RAP1GAP2: variants seen among roughly 807,000 people sequenced by gnomAD.
RAP1GAP2 encodes RAP1 GTPase activating protein 2.
In RAP1GAP2, 27 loss-of-function variants were observed where a neutral mutation model predicts 95.0. The ratio of observed to expected loss-of-function variants is 0.28; its 90% confidence interval spans 0.21 to 0.39. The LOEUF (loss-of-function observed/expected upper bound fraction) is 0.39, where lower values mean the gene tolerates loss of function less well. RAP1GAP2 is among the 10% of genes least tolerant of loss of function. RAP1GAP2 has a pLI of 1.00. For synonymous variants in RAP1GAP2, 373 were observed against 380.9 expected, an observed-to-expected ratio of 0.98 and a Z score of 0.24; for missense variants, 771 against 970.0, an observed-to-expected ratio of 0.79 and a Z score of 2.72.
At chr17:2,803,074 T>G (rs2069369019) in intron 2 of RAP1GAP2, among the ~76,000 whole-genome samples, 1 of 152,148 alleles carries the variant, frequency 6.6e-6, no homozygotes, top group Non-Finnish European at 1.5e-5. Flanking sequence ...TGGTGCTGTT[T>G]TGGGACATCT....
chr17:2,818,536 C>T (rs984006519), intron 2 of RAP1GAP2, among the ~76,000 whole-genome samples: 4 of 151,966 alleles, frequency 2.6e-5, no homozygotes. Flanking sequence ...CCATGTTGGC[C>T]AGGCTGGTCT....
At chr17:2,775,803 A>G (rs915823036), upstream of RAP1GAP2, among the ~76,000 whole-genome samples, 15 of 152,080 alleles carry the variant, frequency 9.9e-5, no homozygotes, top group Non-Finnish European at 1.6e-4. Context: ...TGGCTAGAGG[A>G]CCCTTCGTTC....
At chr17:2,943,888 G>A (rs934657446) in intron 3 of RAP1GAP2, among the ~76,000 whole-genome samples, 3 of 152,038 alleles carry the variant, frequency 2.0e-5, no homozygotes, top group South Asian at 2.1e-4. Flanking sequence ...GGTGGCTCAC[G>A]CCTGTAATCC....
Position 2,980,289 on chromosome 17 carries a change from C to A in RAP1GAP2, c.599C>A (p.Ser200Tyr). The change falls in exon 9 of 25, where the codon TCC becomes TAC. Residue 200 changes from serine to tyrosine, a missense_variant and splice_region_variant. Transcript: ENST00000254695. ...GIEYLRVILR[S>Y]KLKTVHERIP... ...CTTTTTTCTCCCGTCTTGTGCAGGT[C>A]CAAACTGAAGACGGTACATGAGCGG... 6.2e-7 allele frequency: 1 copy of A among 1,613,682 alleles called. No homozygotes were observed. The highest frequency in any genetic ancestry group is 8.5e-7 in the Non-Finnish European group (1 of 1,179,774).
intron 4 of RAP1GAP2, among the ~76,000 whole-genome samples, chr17:2,958,901 G>A (rs371865577): frequency 6.6e-6 from 1 of 152,086 alleles, no homozygotes; most frequent in Non-Finnish European, 1.5e-5. Context: ...CCGTGTCACC[G>A]AGAGCCAGTT....
rs535774695 is a variant in RAP1GAP2 at position 2,898,525 on chromosome 17, T to G, written c.81-6759T>G. Among the ~76,000 whole-genome samples, 42 of 152,322 alleles carry G rather than the reference T, an allele frequency of 2.8e-4. No homozygotes were observed. In the South Asian group the frequency reaches 7.9e-3, roughly 29 times the overall value. On this transcript the variant is annotated intron_variant, in intron 2 of 24. Transcript: ENST00000254695. ...GCCCGCATCTCCATGTCTGTCCCCTTGGGGCTTGGAATTGAGCCATGTGCA... is the reference window on the plus strand; with the variant it reads ...GCCCGCATCTCCATGTCTGTCCCCTGGGGGCTTGGAATTGAGCCATGTGCA...
At chr17:2,849,559 T>C (rs1416391955) in intron 2 of RAP1GAP2, among the ~76,000 whole-genome samples, 1 of 152,186 alleles carries the variant, frequency 6.6e-6, no homozygotes, top group Non-Finnish European at 1.5e-5. Context: ...CTGTCTGCGC[T>C]CTGTTCATGA....
chr17:3,005,310 C>A lies in RAP1GAP2; in HGVS notation c.1201-59C>A. ...GTAGCTTTGTAAGGAGCGTGGCTCC[C>A]GTAGGGGCAGCGCTCGTCTCTTCCC... On this transcript the variant is annotated intron_variant, in intron 14 of 24. Coordinates refer to ENST00000254695, the MANE Select transcript of RAP1GAP2 (RefSeq NM_015085.5). The surrounding 1 kb of genome is among the most constrained non-coding windows in gnomAD (Gnocchi z 5.2). 1 of 1,517,966 alleles carries A rather than the reference C, an allele frequency of 6.6e-7. No homozygotes were observed. Among genetic ancestry groups the A allele is most frequent in the Non-Finnish European group, 9.2e-7 (1 of 1,092,500 alleles). 94.0% of individuals were successfully genotyped at this position (1,517,966 alleles called of 1,614,324 possible).
chr17:2,989,918 C>T (rs1486042731), intron 11 of RAP1GAP2, among the ~76,000 whole-genome samples: 3 of 152,170 alleles, frequency 2.0e-5, no homozygotes, highest in African/African-American at 7.2e-5. Flanking sequence ...TCCTTTAGTT[C>T]CTGCCAACCC....
intron 2 of RAP1GAP2, among the ~76,000 whole-genome samples, chr17:2,822,632 T>TG (rs1254685541): frequency 7.4e-6 from 1 of 134,936 alleles, no homozygotes; most frequent in East Asian, 2.0e-4. Flanking sequence ...TTTTTGTTTT[T>TG]TTTTTTTTTT....
intron 2 of RAP1GAP2, among the ~76,000 whole-genome samples, chr17:2,829,583 G>T (rs564004267): frequency 6.6e-6 from 1 of 152,096 alleles, no homozygotes; most frequent in Admixed American, 6.6e-5. Context: ...CAGAACAGCT[G>T]CACAAGAGCT....
At chr17:2,853,720 G>A (rs1448930534) in intron 2 of RAP1GAP2, among the ~76,000 whole-genome samples, 8 of 146,266 alleles carry the variant, frequency 5.5e-5, no homozygotes, top group Admixed American at 5.4e-4. Context: ...GGGAGCCGCC[G>A]GCCCGGGCCG....
rs150334228 is a variant in RAP1GAP2, at chr17:3,036,576, A to G, written c.*3215A>G. On this transcript the variant is annotated 3_prime_UTR_variant, in exon 25 of 25. Coordinates refer to ENST00000254695, the MANE Select transcript of RAP1GAP2 (RefSeq NM_015085.5). Reference sequence around the variant, plus strand: ...GGCTTTGGATGCAGCTTGAACCAAGAAAACGAGGAGGGAAAGGGATTCAGT... The same window carrying G: ...GGCTTTGGATGCAGCTTGAACCAAGGAAACGAGGAGGGAAAGGGATTCAGT... 6.6e-6 allele frequency: 1 copy of G among 152,250 alleles called. No homozygotes were observed. The highest frequency in any genetic ancestry group is 1.9e-4 in the East Asian group (1 of 5,188). The allele number at this position is 152,250 out of a possible 1,614,324, so 9.4% of individuals were successfully genotyped here.
chr17:2,940,200 G>A (rs985313898), intron 3 of RAP1GAP2, among the ~76,000 whole-genome samples: 7 of 152,132 alleles, frequency 4.6e-5, no homozygotes, highest in African/African-American at 1.4e-4. Flanking sequence ...TGCCTGCCAC[G>A]GGTCATGGAA....
intron 24 of RAP1GAP2, 86 bp downstream of exon 24, chr17:3,032,535 G>T: frequency 7.5e-7 from 1 of 1,338,830 alleles, no homozygotes; most frequent in South Asian, 1.2e-5. Context: ...TGTAACCTCA[G>T]AATGGCCGGA....
Position 2,950,058 on chromosome 17 carries a change from CTTCT to C in RAP1GAP2, c.166-7698_166-7695del, listed in dbSNP as rs1347150930. On this transcript the variant is annotated intron_variant, in intron 3 of 24. Transcript: ENST00000254695. The stretch of plus-strand genomic sequence containing the variant: ...CATTTCTTTTCTTCTTCTTCTTCTT[CTTCT>C]TTTTTTTTTGAGATGGAGTCTTGCT... Among the ~76,000 whole-genome samples the C allele has an allele frequency of 4.5e-4, 46 of 101,372 alleles. 1 individual carries two copies. Among genetic ancestry groups the C allele is most frequent in the African/African-American group, 2.4e-3 (45 of 18,750 alleles). The allele number at this position is 101,372 out of a possible 152,430, so 66.5% of individuals were successfully genotyped here.
At position 3,027,654 on chromosome 17, in the gene RAP1GAP2, G is replaced by A. The variant is rs1165748062; in HGVS notation, c.2107+584G>A. Among the ~76,000 whole-genome samples the A allele has an allele frequency of 6.6e-6, 1 of 152,024 alleles. No individual in the cohort carries two copies. Among genetic ancestry groups the A allele is most frequent in the Non-Finnish European group, 1.5e-5 (1 of 68,008 alleles). ...CGGGTGAGGATTTTGTTCTGCTAGC[G>A]GCCACTGTTGGAGTGTTTGAAGGTT... On this transcript the variant is annotated intron_variant, in intron 22 of 24. Transcript: ENST00000254695. This position sits in a 1 kb window ranked among gnomAD's most constrained non-coding sequence, Gnocchi z 5.2.
chr17:3,024,018 G>T (rs2047031281), intron 19 of RAP1GAP2, among the ~76,000 whole-genome samples: 1 of 152,210 alleles, frequency 6.6e-6, no homozygotes, highest in Non-Finnish European at 1.5e-5. Flanking sequence ...GTATTCCATG[G>T]TATATGAGAG....
chr17:2,826,130 A>G (rs1242654198), intron 2 of RAP1GAP2, among the ~76,000 whole-genome samples: 4 of 139,176 alleles, frequency 2.9e-5, no homozygotes, highest in Non-Finnish European at 6.2e-5. Context: ...ACAGGCACCC[A>G]CCACCACGCC....
Sources: gnomAD v4.1 joint callset for allele counts (sites outside exome capture counted in the v4.1 genomes callset) on GRCh38, gnomAD v4.1.1 for gene constraint, Gnocchi (gnomAD v3.1) non-coding constraint, MANE v1.5 for transcripts, NCBI Gene and HGNC (gene_info 2026-07-23, HGNC 2026-07-21) for gene names.